The following CRPPA variants were observed in gnomAD, a reference collection of about 807,000 sequenced individuals.
CRPPA encodes D-ribitol-5-phosphate cytidylyltransferase.
A neutral mutation model predicts 52.0 loss-of-function variants in CRPPA; 43 were observed. That is an observed-to-expected ratio of 0.83 (90% confidence interval 0.65 to 1.07). The LOEUF (loss-of-function observed/expected upper bound fraction) is 1.07. Ranked by LOEUF, CRPPA falls within the 50% of genes least tolerant of loss-of-function variation. CRPPA has a pLI of 0.00. For missense variants in CRPPA, 629 were observed against 551.7 expected, an observed-to-expected ratio of 1.14 and a Z score of -1.40; for synonymous variants, 250 against 203.5, an observed-to-expected ratio of 1.23 and a Z score of -1.94.
At chr7:16,332,347 T>C (rs1382270831) in intron 3 of CRPPA, among the ~76,000 whole-genome samples, 1 of 152,152 alleles carries the variant, frequency 6.6e-6, no homozygotes, top group Non-Finnish European at 1.5e-5. Flanking sequence ...AGACTTTACA[T>C]AAAGAAGAGA....
intron 8 of CRPPA, 133 bp from the exon 9 acceptor site, chr7:16,216,330 T>C (rs931137140): frequency 7.0e-6 from 4 of 570,942 alleles, no homozygotes; most frequent in East Asian, 3.1e-5. Flanking sequence ...TGTTAATCTC[T>C]AGTTATGCTT....
chr7:16,238,724 A>G (rs2128405423), intron 8 of CRPPA, among the ~76,000 whole-genome samples: 1 of 152,370 alleles, frequency 6.6e-6, no homozygotes, highest in South Asian at 2.1e-4. Context: ...TTCATGTTTA[A>G]CATGACTGTT....
chr7:16,313,895 T>A (rs772785327), intron 3 of CRPPA, among the ~76,000 whole-genome samples: 1 of 151,980 alleles, frequency 6.6e-6, no homozygotes, highest in Non-Finnish European at 1.5e-5. Flanking sequence ...TCTTTTAACT[T>A]TGTTAAGGTG....
intron 6 of CRPPA, among the ~76,000 whole-genome samples, chr7:16,270,836 G>T (rs1439649771): frequency 6.6e-6 from 1 of 152,098 alleles, no homozygotes; most frequent in African/African-American, 2.4e-5. Flanking sequence ...ATAGGTCTTA[G>T]GATGCTGCTG....
intron 3 of CRPPA, among the ~76,000 whole-genome samples, chr7:16,350,968 G>C (rs912472712): frequency 6.6e-6 from 1 of 152,002 alleles, no homozygotes; most frequent in African/African-American, 2.4e-5. Flanking sequence ...TCAGAAAACA[G>C]ACATTAGGCC....
At chr7:16,248,129 G>A (rs1783330771) in intron 8 of CRPPA, 1 of 152,098 alleles carries the variant, frequency 6.6e-6, no homozygotes, top group Non-Finnish European at 1.5e-5. Flanking sequence ...GAGGCCAGGA[G>A]TTCATGAACA....
intron 9 of CRPPA, among the ~76,000 whole-genome samples, chr7:16,120,537 A>C (rs1782461658): frequency 1.3e-5 from 2 of 152,168 alleles, no homozygotes; most frequent in Non-Finnish European, 2.9e-5. Flanking sequence ...AGGATTTTGT[A>C]ATTTCTCAAA....
intron 3 of CRPPA, among the ~76,000 whole-genome samples, chr7:16,354,238 T>C (rs1786238695): frequency 6.6e-6 from 1 of 152,178 alleles, no homozygotes; most frequent in Admixed American, 6.5e-5. Context: ...TTTATCTGTA[T>C]TAATAAAGCC....
intron 9 of CRPPA, among the ~76,000 whole-genome samples, chr7:16,141,616 A>G (rs1782873356): frequency 6.6e-6 from 1 of 152,230 alleles, no homozygotes; most frequent in South Asian, 2.1e-4. Flanking sequence ...TTCTCAAGCT[A>G]GTAATCATCA....
chr7:16,166,985 G>C (rs1028348455), intron 9 of CRPPA, among the ~76,000 whole-genome samples: 1 of 150,038 alleles, frequency 6.7e-6, no homozygotes, highest in African/African-American at 2.5e-5. Flanking sequence ...CTGGAGTGCA[G>C]TGGTGCGATC....
chr7:16,094,807 G>A (rs1781904866), intron 9 of CRPPA, among the ~76,000 whole-genome samples: 1 of 152,016 alleles, frequency 6.6e-6, no homozygotes, highest in Non-Finnish European at 1.5e-5. Context: ...AGTTCCTGTT[G>A]GAGGGACATT....
At chr7:16,335,093 G>A (rs1409863762) in intron 3 of CRPPA, among the ~76,000 whole-genome samples, 2 of 139,908 alleles carry the variant, frequency 1.4e-5, no homozygotes, top group Non-Finnish European at 3.0e-5. Flanking sequence ...GCTGAGGCAG[G>A]AGAACTGCTT....
At chr7:16,240,586 C>CACACACAA (rs1359121698) in intron 8 of CRPPA, among the ~76,000 whole-genome samples, 1 of 151,778 alleles carries the variant, frequency 6.6e-6, no homozygotes, top group East Asian at 1.9e-4. Flanking sequence ...CACACACACA[C>CACACACAA]ACACACACAC....
At chr7:16,409,303 A>G (rs1248717118) in intron 1 of CRPPA, among the ~76,000 whole-genome samples, 1 of 152,220 alleles carries the variant, frequency 6.6e-6, no homozygotes. Context: ...GTGAAACTAA[A>G]TTGAGACTTC....
chr7:16,383,852 C>T (rs1034061536), intron 2 of CRPPA, among the ~76,000 whole-genome samples: 10 of 152,208 alleles, frequency 6.6e-5, no homozygotes, highest in South Asian at 6.2e-4. Context: ...GTCGGAAAAG[C>T]GCAGTATTAG....
intron 2 of CRPPA, among the ~76,000 whole-genome samples, chr7:16,394,754 A>G (rs543306748): frequency 6.6e-6 from 1 of 152,306 alleles, no homozygotes; most frequent in South Asian, 2.1e-4. Context: ...ATCAGATGGG[A>G]AAGTTGTACA....
intron 3 of CRPPA, among the ~76,000 whole-genome samples, chr7:16,344,397 T>C (rs1583535409): frequency 8.9e-6 from 1 of 111,832 alleles, no homozygotes; most frequent in African/African-American, 3.5e-5. Flanking sequence ...CAAGAACCTA[T>C]CTCTACCCAA....
chr7:16,333,843 G>A (rs1412500841), intron 3 of CRPPA, among the ~76,000 whole-genome samples: 1 of 152,126 alleles, frequency 6.6e-6, no homozygotes, highest in African/African-American at 2.4e-5. Flanking sequence ...CCACAAAAAT[G>A]AGAAAAGTCA....
At chr7:16,275,806 G>A (rs555833651) in intron 6 of CRPPA, among the ~76,000 whole-genome samples, 24 of 151,608 alleles carry the variant, frequency 1.6e-4, no homozygotes, top group African/African-American at 2.4e-5. Flanking sequence ...CCAAGACCCT[G>A]TCTCGGAAAA....
Sources: gnomAD v4.1 joint callset for allele counts (sites outside exome capture counted in the v4.1 genomes callset) on GRCh38, gnomAD v4.1.1 for gene constraint, MANE v1.5 for transcripts, NCBI Gene and HGNC (gene_info 2026-07-23, HGNC 2026-07-21) for gene names.